The following ADGRV1 variants were observed in gnomAD, a reference collection of about 807,000 sequenced individuals.
ADGRV1 encodes the protein G-protein coupled receptor 98.
A neutral mutation model predicts 596.2 loss-of-function variants in ADGRV1; 359 were observed. The ratio of observed to expected loss-of-function variants is 0.60; its 90% CI spans 0.55 to 0.66. The LOEUF (loss-of-function observed/expected upper bound fraction) is 0.66, where lower values mean the gene tolerates loss of function less well. Among genes scored for constraint, ADGRV1 ranks in the 30% least tolerant of loss-of-function variants. The probability of loss-of-function intolerance (pLI) is 0.00; values close to 1 mark genes in which losing one functional copy is unlikely to be tolerated. For missense variants in ADGRV1, 7,274 were observed against 7,575.6 expected (o/e 0.96, Z 1.48); for synonymous variants, 2,681 against 2,679.2 (o/e 1.00, Z -0.02).
At chr5:90,661,533 C>CT (rs1444754120) in intron 21 of ADGRV1, among the ~76,000 whole-genome samples, 1 of 152,132 alleles carries the variant, frequency 6.6e-6, no homozygotes, top group Non-Finnish European at 1.5e-5. Flanking sequence ...GGATTTGTAG[C>CT]TTTAATTTTC....
chr5:90,762,130 T>C (rs1375123938), intron 58 of ADGRV1, among the ~76,000 whole-genome samples: 2 of 152,170 alleles, frequency 1.3e-5, no homozygotes, highest in East Asian at 3.9e-4. Context: ...GGAAATCTAC[T>C]TGTGAAACCT....
At chr5:90,564,936 A>G (rs897456722) in intron 1 of ADGRV1, among the ~76,000 whole-genome samples, 1 of 151,222 alleles carries the variant, frequency 6.6e-6, no homozygotes, top group African/African-American at 2.4e-5. Flanking sequence ...GGCGTTTAAT[A>G]TATTTAAAAA....
Position 90,810,758 on chromosome 5 carries a change from G to A in ADGRV1, c.15498G>A (p.Thr5166=), listed in dbSNP as rs745385503. The A allele has an allele frequency of 3.3e-5, 53 of 1,613,730 alleles. No individual in the cohort carries two copies. Among genetic ancestry groups the A allele is most frequent in the South Asian group, 7.7e-5 (7 of 91,064 alleles). ...CCACATACCTCAGCACAAGCAAGAC[G>A]ACTACCATTCTGCAGCCAACCAACG... The part of the protein sequence containing the change: ...ESTTYLSTSK[T]TTILQPTNVV... Residue 5166 remains threonine, a synonymous_variant, in exon 74 of 90, where the codon ACG becomes ACA. Transcript: ENST00000405460.
At chr5:91,146,012 T>C (rs1795506963) in intron 87 of ADGRV1, among the ~76,000 whole-genome samples, 1 of 152,198 alleles carries the variant, frequency 6.6e-6, no homozygotes, top group African/African-American at 2.4e-5. Context: ...AAGAAAGTTA[T>C]TGCTTCTACA....
chr5:91,010,511 G>A (rs1782637679), intron 85 of ADGRV1, among the ~76,000 whole-genome samples: 1 of 152,170 alleles, frequency 6.6e-6, no homozygotes, highest in African/African-American at 2.4e-5. Flanking sequence ...CATTTATTTA[G>A]ATGAATTTTT....
At chr5:90,747,625 G>A (rs1030379911) in intron 52 of ADGRV1, among the ~76,000 whole-genome samples, 39 of 152,080 alleles carry the variant, frequency 2.6e-4, no homozygotes, top group African/African-American at 9.2e-4. Context: ...TAGGGACTCA[G>A]TGCCCAGGAT....
chr5:90,562,656 A>G (rs1755007407), intron 1 of ADGRV1, among the ~76,000 whole-genome samples: 1 of 152,122 alleles, frequency 6.6e-6, no homozygotes, highest in Non-Finnish European at 1.5e-5. Flanking sequence ...CTGATAGGGC[A>G]TTTCTCATTC....
rs1184010778 is a variant in ADGRV1, at chr5:91,027,144, A to AACACACACACACACACACAC, written c.18152+41649_18152+41668dup. ...GCAACAGAGCAAAACACAGTCTCAA[A>AACACACACACACACACACAC]ACACACACACACACACACACACACA... On this transcript the variant is annotated intron_variant, in intron 85 of 89. Transcript: ENST00000405460. 2.6e-4 allele frequency among the ~76,000 whole-genome samples: 34 copies of AACACACACACACACACACAC among 129,218 alleles called. 1 individual carries two copies. The highest frequency in any genetic ancestry group is 4.6e-4 in the Non-Finnish European group (28 of 61,270). The allele number at this position is 129,218 out of a possible 152,430, so 84.8% of individuals were successfully genotyped here.
chr5:90,790,809 T>C (rs781204866), intron 69 of ADGRV1, 64 bp from the exon 70 acceptor site: 10 of 1,062,930 alleles, frequency 9.4e-6, no homozygotes, highest in Non-Finnish European at 1.4e-5. Context: ...AAACATAATT[T>C]AAGGGAATTT....
intron 1 of ADGRV1, among the ~76,000 whole-genome samples, chr5:90,593,531 A>G (rs1410752413): frequency 2.0e-5 from 3 of 152,180 alleles, no homozygotes; most frequent in Non-Finnish European, 4.4e-5. Flanking sequence ...GCAGACCAAC[A>G]TGGCACATGT....
chr5:90,783,965 A>G lies in ADGRV1; in HGVS notation c.13561A>G (p.Asn4521Asp). ...DSPFGVIRFLNQSKISIANPN... is the reference protein window; with the variant it reads ...DSPFGVIRFLDQSKISIANPN... ...TCCCTTTGGAGTTATAAGGTTTCTC[A>G]ATCAAAGCAAAATTTCTATTGCTAA... Residue 4521 changes from asparagine to aspartate, a missense_variant, in exon 67 of 90, where the codon AAT becomes GAT. Asn to Asp is a conservative substitution (Grantham distance 23). Transcript: ENST00000405460. 1 of 1,612,268 alleles carries G rather than the reference A, an allele frequency of 6.2e-7. No homozygotes were observed.
At chr5:91,106,183 A>G (rs1279688805) in intron 87 of ADGRV1, among the ~76,000 whole-genome samples, 5 of 151,996 alleles carry the variant, frequency 3.3e-5, no homozygotes, top group Non-Finnish European at 7.4e-5. Flanking sequence ...TTGCATGTGG[A>G]CATCCAGGTT....
At chr5:91,126,642 A>G (rs1793784802) in intron 87 of ADGRV1, among the ~76,000 whole-genome samples, 1 of 152,214 alleles carries the variant, frequency 6.6e-6, no homozygotes, top group African/African-American at 2.4e-5. Context: ...CAAATTCAGT[A>G]AGTCATGGAG....
chr5:90,719,320 C>CTCATAA (rs1750592420), intron 43 of ADGRV1, among the ~76,000 whole-genome samples: 1 of 149,360 alleles, frequency 6.7e-6, no homozygotes, highest in Non-Finnish European at 1.5e-5. Flanking sequence ...GACTCTGTCT[C>CTCATAA]ATAAATAAAT....
At chr5:91,132,143 A>G (rs1794271309) in intron 87 of ADGRV1, among the ~76,000 whole-genome samples, 1 of 152,118 alleles carries the variant, frequency 6.6e-6, no homozygotes, top group South Asian at 2.1e-4. Context: ...GTTCTGTTCC[A>G]TTGGCATGAC....
At chr5:90,680,758 T>C (rs16868970) in intron 26 of ADGRV1, among the ~76,000 whole-genome samples, 19,962 of 152,226 alleles carry the variant, frequency 0.13, 1,599 homozygotes, top group East Asian at 0.41. Flanking sequence ...AATTTGAACA[T>C]ACTTTTTAGG....
At position 90,572,699 on chromosome 5, in the gene ADGRV1, G is replaced by T. The variant is rs926764875; in HGVS notation, c.22+13782G>T. Among the ~76,000 whole-genome samples, 3 of 152,156 alleles carry T rather than the reference G, an allele frequency of 2.0e-5. No homozygotes were observed. In the South Asian group the frequency reaches 6.2e-4, roughly 32 times the overall value. ...TCTAACAAATTATGCTTTGATGGATGTAGAGAAAAAAGAGTGAATAATTTT... is the reference window on the plus strand; with the variant it reads ...TCTAACAAATTATGCTTTGATGGATTTAGAGAAAAAAGAGTGAATAATTTT... On this transcript the variant is annotated intron_variant, in intron 1 of 89. Coordinates refer to ENST00000405460, the MANE Select transcript of ADGRV1 (RefSeq NM_032119.4).
chr5:90,759,065 G>C (rs1290922601), intron 57 of ADGRV1, among the ~76,000 whole-genome samples: 1 of 151,906 alleles, frequency 6.6e-6, no homozygotes, highest in African/African-American at 2.4e-5. Flanking sequence ...TAAGAATAAG[G>C]ATTTATTGTT....
chr5:90,856,798 T>A (rs1208740248), intron 82 of ADGRV1, among the ~76,000 whole-genome samples: 4 of 152,200 alleles, frequency 2.6e-5, no homozygotes, highest in Non-Finnish European at 5.9e-5. Flanking sequence ...CCACCCATGA[T>A]ATTTGATTAT....
Sources: gnomAD v4.1 joint callset for allele counts (sites outside exome capture counted in the v4.1 genomes callset) on GRCh38, gnomAD v4.1.1 for gene constraint, MANE v1.5 for transcripts, NCBI Gene and HGNC (gene_info 2026-07-23, HGNC 2026-07-21) for gene names.